The following LOXHD1 variants were observed in gnomAD, a reference collection of about 807,000 sequenced individuals.
LOXHD1 encodes lipoxygenase homology domain-containing protein 1.
Under a neutral mutation model 248.2 loss-of-function variants are expected in LOXHD1, and 205 were observed. The ratio of observed to expected loss-of-function variants is 0.83; its 90% CI spans 0.74 to 0.93. LOXHD1 has a LOEUF of 0.93. LOXHD1 is among the 40% of genes least tolerant of loss of function. LOXHD1 has a pLI of 0.00. For synonymous variants in LOXHD1, 1,113 were observed against 1,162.8 expected, an observed-to-expected ratio of 0.96 and a Z score of 0.87; for missense variants, 2,930 against 2,971.6, an observed-to-expected ratio of 0.99 and a Z score of 0.33.
At chr18:46,572,923 T>C (rs996148692) in intron 14 of LOXHD1, among the ~76,000 whole-genome samples, 1 of 144,252 alleles carries the variant, frequency 6.9e-6, no homozygotes, top group African/African-American at 2.6e-5. Context: ...CTCGGGAGGC[T>C]GAGGCAGGAG....
At chr18:46,545,259 C>T in intron 23 of LOXHD1, 58 bp downstream of exon 23, 1 of 1,300,402 alleles carries the variant, frequency 7.7e-7, no homozygotes, top group Admixed American at 2.0e-5. Flanking sequence ...TCTGCTGAGT[C>T]TTCTGGTCTC....
intron 1 of LOXHD1, among the ~76,000 whole-genome samples, chr18:46,652,395 G>A (rs997782355): frequency 6.6e-6 from 1 of 152,118 alleles, no homozygotes; most frequent in African/African-American, 2.4e-5. Flanking sequence ...GTTGAAAAAT[G>A]GACAAAAGAC....
In LOXHD1 at chr18:46,477,818, A is replaced by G. The variant is rs1165889869; in HGVS notation, c.6476T>C (p.Ile2159Thr). The change falls in exon 41 of 41, where the codon ATC becomes ACC. Residue 2159 changes from isoleucine (I) to threonine (T), a missense_variant. Coordinates refer to ENST00000642948, the MANE Select transcript of LOXHD1 (RefSeq NM_001384474.1). ...QSLVPVKYEV[I>T]VTTGYEPGAG... ...CCCTGGCTCATAGCCTGTTGTCACG[A>G]TGACTTCGTACTTGACGGGCACCAG... The G allele has an allele frequency of 5.8e-6, 9 of 1,551,734 alleles. No homozygotes were observed. Among genetic ancestry groups the G allele is most frequent in the Non-Finnish European group, 7.8e-6 (9 of 1,147,036 alleles).
chr18:46,653,176 G>A (rs1483956101), intron 1 of LOXHD1, among the ~76,000 whole-genome samples: 2 of 152,154 alleles, frequency 1.3e-5, no homozygotes, highest in Non-Finnish European at 2.9e-5. Flanking sequence ...GAACCTGGGA[G>A]GCAGAGGTTG....
At chr18:46,652,620 C>T (rs2039126553) in intron 1 of LOXHD1, among the ~76,000 whole-genome samples, 1 of 152,222 alleles carries the variant, frequency 6.6e-6, no homozygotes, top group South Asian at 2.1e-4. Flanking sequence ...GATCCAAGCA[C>T]TGGTAACTAA....
chr18:46,591,999 C>A lies in LOXHD1; in HGVS notation c.1588G>T (p.Glu530Ter). Residue 530 changes from glutamate to a stop codon, truncating the protein, a stop_gained, in exon 12 of 41, where the codon GAG becomes TAG. Coordinates refer to ENST00000642948, the MANE Select transcript of LOXHD1 (RefSeq NM_001384474.1). LOFTEE classifies it high-confidence loss of function. The part of the protein sequence containing the change: ...FNCNRWLDAN[E>*]DDNEIVREMT... The stretch of plus-strand genomic sequence containing the variant: ...TCCCTCACTATCTCATTGTCATCCT[C>A]ATTGGCATCCAGCCAGCGGTTGCAA... 6.4e-7 allele frequency: 1 copy of A among 1,552,214 alleles called. No homozygotes were observed. The highest frequency in any genetic ancestry group is 1.7e-4 in the Middle Eastern group (1 of 5,996).
intron 20 of LOXHD1, chr18:46,557,867 A>T: frequency 8.4e-7 from 1 of 1,187,514 alleles, no homozygotes; most frequent in South Asian, 2.8e-5. Context: ...AGGTGTGTGC[A>T]TAATCTGCTT....
intron 1 of LOXHD1, among the ~76,000 whole-genome samples, chr18:46,651,222 G>A (rs1424501301): frequency 6.6e-6 from 1 of 152,122 alleles, no homozygotes; most frequent in East Asian, 1.9e-4. Context: ...GGGGTGAGTG[G>A]ACCTTTTGAT....
intron 4 of LOXHD1, among the ~76,000 whole-genome samples, chr18:46,621,285 C>T (rs766323428): frequency 6.6e-6 from 1 of 152,182 alleles, no homozygotes; most frequent in Non-Finnish European, 1.5e-5. Context: ...CCTCACGAAA[C>T]CATTTTTTAG....
chr18:46,638,975 A>T (rs1203005741), intron 4 of LOXHD1, among the ~76,000 whole-genome samples: 1 of 152,190 alleles, frequency 6.6e-6, no homozygotes, highest in African/African-American at 2.4e-5. Context: ...CGGCAATGTA[A>T]TGCCCCCCTT....
In LOXHD1 at chr18:46,477,344, G is replaced by A. The variant is rs906851701; in HGVS notation, c.*128C>T. ...GGTAGGGTGGGGAGCAGGACCCCAT[G>A]AAGTTCTCAGTGGACTGCTAGCCCC... On this transcript the variant is annotated 3_prime_UTR_variant, in exon 41 of 41. Transcript: ENST00000642948. 1.1e-5 allele frequency: 14 copies of A among 1,289,556 alleles called. No individual in the cohort carries two copies. The African/African-American group carries it at 1.9e-4, about 18-fold the overall frequency. 79.9% of individuals were successfully genotyped at this position (1,289,556 alleles called of 1,614,324 possible). A position where few individuals can be genotyped will look rare whatever the true frequency, so the allele number is the denominator to read the frequency against.
At chr18:46,617,762 C>T (rs969009488) in intron 5 of LOXHD1, among the ~76,000 whole-genome samples, 44 of 152,260 alleles carry the variant, frequency 2.9e-4, no homozygotes, top group African/African-American at 1.0e-3. Context: ...GAGGCCAAGT[C>T]AAATTGTATT....
Position 46,521,810 on chromosome 18 carries a change from A to C in LOXHD1, c.5085+291T>G, listed in dbSNP as rs532405556. On this transcript the variant is annotated intron_variant, in intron 32 of 40. Coordinates refer to ENST00000642948, the MANE Select transcript of LOXHD1 (RefSeq NM_001384474.1). ...TAGACTCCTGACCCATGAAACTGTG[A>C]GATAATACATTTGTGTTGTTTTAAG... is the stretch of plus-strand genomic sequence containing the variant. Among the ~76,000 whole-genome samples the C allele has an allele frequency of 3.3e-5, 5 of 152,282 alleles. No individual in the cohort carries two copies. In the South Asian group the frequency reaches 1.0e-3, roughly 32 times the overall value.
At chr18:46,558,947 G>C in intron 20 of LOXHD1, 1 of 398,276 alleles carries the variant, frequency 2.5e-6, no homozygotes, top group Non-Finnish European at 5.0e-6. Context: ...ACCGACCACA[G>C]CTCAGCTGGA....
chr18:46,587,684 G>T (rs143682249), intron 12 of LOXHD1, among the ~76,000 whole-genome samples: 3 of 152,210 alleles, frequency 2.0e-5, no homozygotes, highest in Non-Finnish European at 4.4e-5. Flanking sequence ...TCTGATTAAC[G>T]AGAAGCTACG....
At chr18:46,621,633 C>A (rs888714469) in intron 4 of LOXHD1, among the ~76,000 whole-genome samples, 1 of 152,106 alleles carries the variant, frequency 6.6e-6, no homozygotes, top group Non-Finnish European at 1.5e-5. Flanking sequence ...TTGTTGAACT[C>A]ATCACTTGGA....
intron 1 of LOXHD1, among the ~76,000 whole-genome samples, chr18:46,653,910 G>A (rs1267203432): frequency 1.3e-5 from 2 of 152,164 alleles, no homozygotes; most frequent in Non-Finnish European, 2.9e-5. Context: ...TACCTTATAG[G>A]CATTCTTCCA....
chr18:46,603,792 G>A (rs2038373797), intron 7 of LOXHD1, among the ~76,000 whole-genome samples: 2 of 152,194 alleles, frequency 1.3e-5, no homozygotes, highest in African/African-American at 4.8e-5. Flanking sequence ...TCAATATCAG[G>A]AAGAGTTCAG....
At position 46,612,542 on chromosome 18, in the gene LOXHD1, C is replaced by G. The variant is rs562542417; in HGVS notation, c.611-1618G>C. 2.6e-5 allele frequency among the ~76,000 whole-genome samples: 4 copies of G among 151,986 alleles called. No homozygotes were observed. In the East Asian group the frequency reaches 7.7e-4, roughly 29 times the overall value. ...TCTTCTGTAATTTTTCCATTTATAT[C>G]TTTTATTCCATTTTTCTCTTGTCTT... On this transcript the variant is annotated intron_variant, in intron 5 of 40. Transcript: ENST00000642948.
Sources: allele counts gnomAD v4.1 joint callset (sites outside exome capture counted in the v4.1 genomes callset), GRCh38; gene constraint gnomAD v4.1.1; transcripts MANE v1.5; gene names NCBI Gene and HGNC (gene_info 2026-07-23, HGNC 2026-07-21).